The following DDX10 variants were observed in gnomAD, a reference collection of about 807,000 sequenced individuals.
DDX10 encodes the protein probable ATP-dependent RNA helicase DDX10.
Under a neutral mutation model 104.3 loss-of-function variants are expected in DDX10, and 74 were observed. The ratio of observed to expected loss-of-function variants is 0.71; its 90% CI spans 0.59 to 0.86. The LOEUF (loss-of-function observed/expected upper bound fraction) is 0.86, where lower values mean the gene tolerates loss of function less well. Among genes scored for constraint, DDX10 ranks in the 40% least tolerant of loss-of-function variants. The probability of loss-of-function intolerance (pLI) is 0.00; values close to 1 mark genes in which losing one functional copy is unlikely to be tolerated. For synonymous variants in DDX10, 351 were observed against 353.4 expected, an observed-to-expected ratio of 0.99 and a Z score of 0.08; for missense variants, 952 against 1,040.0, an observed-to-expected ratio of 0.92 and a Z score of 1.16.
At chr11:108,883,573 A>G (rs1224342961) in intron 16 of DDX10, among the ~76,000 whole-genome samples, 2 of 152,182 alleles carry the variant, frequency 1.3e-5, no homozygotes, top group African/African-American at 4.8e-5. Context: ...GTCTCTTTCT[A>G]GAGTCTGCAT....
intron 15 of DDX10, among the ~76,000 whole-genome samples, chr11:108,843,703 C>T (rs1862673254): frequency 6.6e-6 from 1 of 151,582 alleles, no homozygotes; most frequent in African/African-American, 2.4e-5. Context: ...TTGCAGTGAG[C>T]CGAGGTCGTG....
chr11:108,691,814 A>G lies in DDX10; in HGVS notation c.976-62A>G, dbSNP rs115677566. On this transcript the variant is annotated intron_variant, in intron 7 of 17. Transcript: ENST00000322536. ...TGAGACTCTGTGGGATACGTTGATA[A>G]GAGAAAAGCTTTATTGCTGCCATCT... is the stretch of plus-strand genomic sequence containing the variant. 921 of 1,478,254 alleles carry G rather than the reference A, an allele frequency of 6.2e-4. 5 individuals carry two copies. In the African/African-American group the frequency reaches 0.011, roughly 18 times the overall value. 91.6% of individuals were successfully genotyped at this position (1,478,254 alleles called of 1,614,324 possible). A position where few individuals can be genotyped will look rare whatever the true frequency, so the allele number is the denominator to read the frequency against.
chr11:108,874,158 A>G (rs1471420406), intron 16 of DDX10, among the ~76,000 whole-genome samples: 1 of 152,226 alleles, frequency 6.6e-6, no homozygotes, highest in Non-Finnish European at 1.5e-5. Flanking sequence ...TGGTTCACCA[A>G]AGATGACTGG....
At chr11:108,698,131 GGCCACTAGTTA>G (rs2094262475) in intron 9 of DDX10, among the ~76,000 whole-genome samples, 1 of 152,154 alleles carries the variant, frequency 6.6e-6, no homozygotes, top group South Asian at 2.1e-4. Flanking sequence ...AGAGGAAGAT[GGCCACTAGTTA>G]AAATCTGTAA....
At chr11:108,755,041 A>G (rs35754206) in intron 13 of DDX10, among the ~76,000 whole-genome samples, 21,027 of 152,046 alleles carry the variant, frequency 0.14, 1,589 homozygotes, top group East Asian at 0.25. Context: ...TCGATGGGGA[A>G]TAAATGTGGG....
At chr11:108,865,388 G>C (rs1207028159) in intron 16 of DDX10, among the ~76,000 whole-genome samples, 3 of 152,086 alleles carry the variant, frequency 2.0e-5, no homozygotes, top group Admixed American at 2.0e-4. Context: ...ACTATTATCT[G>C]TCATTTTTAT....
intron 13 of DDX10, among the ~76,000 whole-genome samples, chr11:108,757,278 C>G (rs1021501538): frequency 1.1e-4 from 16 of 152,014 alleles, no homozygotes; most frequent in African/African-American, 1.9e-4. Flanking sequence ...TTCCGACTTA[C>G]AAAAACTGTT....
chr11:108,885,071 A>G (rs143389105), intron 16 of DDX10, among the ~76,000 whole-genome samples: 1 of 152,296 alleles, frequency 6.6e-6, no homozygotes, highest in African/African-American at 2.4e-5. Context: ...ATTTACAGAC[A>G]TTCTAATCTC....
At chr11:108,720,388 T>C (rs1013282496) in intron 12 of DDX10, among the ~76,000 whole-genome samples, 1 of 152,178 alleles carries the variant, frequency 6.6e-6, no homozygotes, top group African/African-American at 2.4e-5. Context: ...CCATAGACAT[T>C]TTATGCTTTG....
At chr11:108,700,009 A>G (rs949461158) in intron 9 of DDX10, among the ~76,000 whole-genome samples, 3 of 152,176 alleles carry the variant, frequency 2.0e-5, no homozygotes, top group African/African-American at 7.2e-5. Flanking sequence ...AAATCCATAA[A>G]TTGTGAACAA....
intron 9 of DDX10, among the ~76,000 whole-genome samples, chr11:108,702,105 A>T (rs1277617785): frequency 1.3e-5 from 2 of 152,228 alleles, no homozygotes; most frequent in Non-Finnish European, 2.9e-5. Context: ...ATAAGGACAT[A>T]TACTGATATT....
At chr11:108,797,594 A>T (rs1448035310) in intron 13 of DDX10, among the ~76,000 whole-genome samples, 1 of 152,206 alleles carries the variant, frequency 6.6e-6, no homozygotes, top group Non-Finnish European at 1.5e-5. Context: ...TCAGCATATG[A>T]CCAGAGTTAT....
chr11:108,818,710 A>C (rs538970204), intron 13 of DDX10, among the ~76,000 whole-genome samples: 2 of 152,358 alleles, frequency 1.3e-5, no homozygotes, highest in East Asian at 3.9e-4. Flanking sequence ...ACAGTCTAGA[A>C]TATGCTGTGA....
chr11:108,819,976 C>A (rs1862305066), intron 13 of DDX10, among the ~76,000 whole-genome samples: 1 of 152,142 alleles, frequency 6.6e-6, no homozygotes, highest in Admixed American at 6.5e-5. Flanking sequence ...AAGCAATGTT[C>A]CTAAAGTTTA....
intron 16 of DDX10, among the ~76,000 whole-genome samples, chr11:108,873,872 A>T (rs1863115340): frequency 6.6e-6 from 1 of 152,154 alleles, no homozygotes; most frequent in African/African-American, 2.4e-5. Flanking sequence ...CAAGTAAATT[A>T]CTCTATTAAT....
At chr11:108,688,890 C>T in intron 6 of DDX10, 46 bp from the exon 7 acceptor site, 3 of 1,581,162 alleles carry the variant, frequency 1.9e-6, no homozygotes, top group Non-Finnish European at 2.6e-6. Context: ...ATTTCAGTTA[C>T]TTACATGACA....
chr11:108,744,253 T>C (rs546708423), intron 13 of DDX10, among the ~76,000 whole-genome samples: 16 of 152,286 alleles, frequency 1.1e-4, no homozygotes, highest in African/African-American at 3.8e-4. Flanking sequence ...ATCCATATAT[T>C]GAGTTGCATA....
intron 13 of DDX10, among the ~76,000 whole-genome samples, chr11:108,811,568 T>A (rs920242677): frequency 6.6e-6 from 1 of 152,226 alleles, no homozygotes; most frequent in Non-Finnish European, 1.5e-5. Flanking sequence ...TTAAATATTA[T>A]TTTTTAATGT....
chr11:108,872,828 C>CCA (rs1863101273), intron 16 of DDX10, among the ~76,000 whole-genome samples: 2 of 150,684 alleles, frequency 1.3e-5, no homozygotes, highest in South Asian at 2.2e-4. Context: ...GTTCCCCCCC[C>CCA]CTCCCATTTC....
Sources: gnomAD v4.1 joint callset for allele counts (sites outside exome capture counted in the v4.1 genomes callset) on GRCh38, gnomAD v4.1.1 for gene constraint, MANE v1.5 for transcripts, NCBI Gene and HGNC (gene_info 2026-07-23, HGNC 2026-07-21) for gene names.